The following HEATR3 variants were observed in gnomAD, a reference collection of about 807,000 sequenced individuals.
The protein encoded by HEATR3 is HEAT repeat-containing protein 3.
Under a neutral mutation model 72.8 loss-of-function variants are expected in HEATR3, and 56 were observed. That is an observed-to-expected ratio of 0.77 (90% CI 0.62 to 0.96). The LOEUF is 0.96. Ranked by LOEUF, HEATR3 falls within the 40% of genes least tolerant of loss-of-function variation. The pLI is 0.00. For missense variants in HEATR3, 747 were observed against 831.4 expected, an observed-to-expected ratio of 0.90 and a Z score of 1.25; for synonymous variants, 331 against 318.1, an observed-to-expected ratio of 1.04 and a Z score of -0.43.
In HEATR3 at chr16:50,079,027, G is replaced by T; in HGVS notation, c.1041+9G>T. Reference sequence around the variant, plus strand: ...TTTCAGATTTACTTCCGGTAAGTCAGGTTGCTGTTCTCAAATATGGATTAA... The same window carrying T: ...TTTCAGATTTACTTCCGGTAAGTCATGTTGCTGTTCTCAAATATGGATTAA... On this transcript the variant is annotated intron_variant, in intron 7 of 14. Coordinates refer to ENST00000299192, the MANE Select transcript of HEATR3 (RefSeq NM_182922.4). 1 of 1,605,680 alleles carries T rather than the reference G, an allele frequency of 6.2e-7. No homozygotes were observed. The highest frequency in any genetic ancestry group is 8.5e-7 in the Non-Finnish European group (1 of 1,177,126).
rs1178984056 is a variant in HEATR3, at chr16:50,084,658, ACT to A, written c.1373+10_1373+11del. The A allele has an allele frequency of 1.9e-6, 3 of 1,564,882 alleles. No homozygotes were observed. The highest frequency in any genetic ancestry group is 1.7e-5 in the Admixed American group (1 of 58,866). ...GGAAACCTTTGATTAGAAAGTAAGA[ACT>A]CTTCTGCTTTCAAAAACATTTGTCA... On this transcript the variant is annotated splice_region_variant and intron_variant, in intron 10 of 14. Coordinates refer to ENST00000299192, the MANE Select transcript of HEATR3 (RefSeq NM_182922.4).
intron 3 of HEATR3, 53 bp downstream of exon 3, chr16:50,068,920 CTT>C (rs1225846177): frequency 7.6e-7 from 1 of 1,313,282 alleles, no homozygotes; most frequent in Non-Finnish European, 1.1e-6. Context: ...CAAACTTAGA[CTT>C]TTTTTAGTAC....
Position 50,083,771 on chromosome 16 carries a change from C to T in HEATR3, c.1042-166C>T, listed in dbSNP as rs187357498. Among the ~76,000 whole-genome samples, 5 of 152,260 alleles carry T rather than the reference C, an allele frequency of 3.3e-5. No individual in the cohort carries two copies. In the East Asian group the frequency reaches 5.8e-4, roughly 18 times the overall value. On this transcript the variant is annotated intron_variant, in intron 7 of 14. Coordinates refer to ENST00000299192, the MANE Select transcript of HEATR3 (RefSeq NM_182922.4). Reference sequence around the variant, plus strand: ...CTGTACCAAGAGGAATTATAATGCTCGTTTGTACTTCTGGCACTTCATGAC... The same window carrying T: ...CTGTACCAAGAGGAATTATAATGCTTGTTTGTACTTCTGGCACTTCATGAC...
intron 10 of HEATR3, among the ~76,000 whole-genome samples, chr16:50,085,136 A>C (rs2036960892): frequency 6.6e-6 from 1 of 151,942 alleles, no homozygotes; most frequent in South Asian, 2.1e-4. Context: ...GGAAATGTTT[A>C]CCATAGAAGT....
At chr16:50,075,192 C>G (rs2036697416) in intron 5 of HEATR3, among the ~76,000 whole-genome samples, 1 of 151,360 alleles carries the variant, frequency 6.6e-6, no homozygotes, top group South Asian at 2.1e-4. Flanking sequence ...TGGCGCATAC[C>G]TTTAATTCCA....
At chr16:50,096,033 A>G (rs2037227102) in intron 12 of HEATR3, among the ~76,000 whole-genome samples, 1 of 152,086 alleles carries the variant, frequency 6.6e-6, no homozygotes, top group Non-Finnish European at 1.5e-5. Context: ...TTAAAAATGT[A>G]TTTTAACATG....
In HEATR3 at chr16:50,084,005, T is replaced by C. The variant is rs149247572; in HGVS notation, c.1110T>C (p.Ile370=). The C allele has an allele frequency of 1.7e-4, 272 of 1,613,894 alleles. 1 individual carries two copies. Among genetic ancestry groups the C allele is most frequent in the Non-Finnish European group, 2.1e-4 (252 of 1,180,020 alleles). ...CCCAACAGACTGCTCTGGAAATTATTGTCAACATGTGCTGCAATGAAGGTT... is the reference window on the plus strand; with the variant it reads ...CCCAACAGACTGCTCTGGAAATTATCGTCAACATGTGCTGCAATGAAGGTT... ...LTAQQTALEI[I]VNMCCNEDPS... The change falls in exon 8 of 15, where the codon ATT becomes ATC. Residue 370 remains isoleucine (I), a synonymous_variant. Transcript: ENST00000299192.
chr16:50,073,481 C>T (rs990015649), intron 5 of HEATR3: 2 of 152,082 alleles, frequency 1.3e-5, no homozygotes, highest in Non-Finnish European at 2.9e-5. Context: ...TTTCTTGACT[C>T]TAATGGATAT....
At chr16:50,076,342 C>T (rs925940606) in intron 6 of HEATR3, among the ~76,000 whole-genome samples, 6 of 151,976 alleles carry the variant, frequency 3.9e-5, no homozygotes, top group Admixed American at 2.6e-4. Flanking sequence ...CGTGCGCCAC[C>T]ACGCTCAGCT....
rs2036795119 is a variant in HEATR3, at chr16:50,078,732, T to C, written c.764-9T>C. ...GCATTTCTTATCCTTATGCTTGTTT[T>C]TTTCCCAGGCACAATTTGGAATCTA... On this transcript the variant is annotated splice_polypyrimidine_tract_variant and intron_variant, in intron 6 of 14. Coordinates refer to ENST00000299192, the MANE Select transcript of HEATR3 (RefSeq NM_182922.4). The C allele has an allele frequency of 6.2e-7, 1 of 1,602,136 alleles. No individual in the cohort carries two copies. The highest frequency in any genetic ancestry group is 1.3e-5 in the African/African-American group (1 of 74,208).
Position 50,106,306 on chromosome 16 carries a change from G to A in HEATR3, c.*1245G>A, listed in dbSNP as rs1263773153. The stretch of plus-strand genomic sequence containing the variant: ...CTCATGACTTTGATGAGTTATTGCT[G>A]TAACATCACTTCTTGATTTAATTTG... On this transcript the variant is annotated 3_prime_UTR_variant, in exon 15 of 15. Coordinates refer to ENST00000299192, the MANE Select transcript of HEATR3 (RefSeq NM_182922.4). 2.0e-5 allele frequency: 3 copies of A among 152,058 alleles called. No individual in the cohort carries two copies. Among genetic ancestry groups the A allele is most frequent in the African/African-American group, 7.2e-5 (3 of 41,406 alleles). The allele number at this position is 152,058 out of a possible 1,614,324, so 9.4% of individuals were successfully genotyped here.
At chr16:50,075,344 C>G (rs2036701320) in intron 5 of HEATR3, among the ~76,000 whole-genome samples, 2 of 147,514 alleles carry the variant, frequency 1.4e-5, no homozygotes, top group African/African-American at 2.5e-5. Context: ...TAGATCTGTA[C>G]AGGATTAGAA....
Position 50,102,436 on chromosome 16 carries a change from GT to G in HEATR3, c.1920+4del. The stretch of plus-strand genomic sequence containing the variant: ...ATTCCAGCCGGTCTTTAAAATGAAG[GT>G]TTGTAGCCATTTAACTTATAAATAC... On this transcript the variant is annotated splice_donor_variant, in intron 14 of 14. Transcript: ENST00000299192. LOFTEE classifies it high-confidence loss of function. 1 of 1,612,950 alleles carries G rather than the reference GT, an allele frequency of 6.2e-7. No individual in the cohort carries two copies. Among genetic ancestry groups the G allele is most frequent in the Admixed American group, 1.7e-5 (1 of 59,696 alleles).
At chr16:50,066,598 C>T in intron 2 of HEATR3, 59 bp downstream of exon 2, 1 of 1,248,534 alleles carries the variant, frequency 8.0e-7, no homozygotes, top group Non-Finnish European at 1.0e-6. Flanking sequence ...GTCTGGGCTG[C>T]GGGCGGTCGC....
chr16:50,082,887 T>C (rs1597153776), intron 7 of HEATR3, among the ~76,000 whole-genome samples: 1 of 152,086 alleles, frequency 6.6e-6, no homozygotes, highest in Non-Finnish European at 1.5e-5. Context: ...GCCTCCTGGG[T>C]TCAAGGGATT....
In HEATR3 at chr16:50,106,791, C is replaced by T. The variant is rs2150635855; in HGVS notation, c.*1730C>T. On this transcript the variant is annotated 3_prime_UTR_variant, in exon 15 of 15. Transcript: ENST00000299192. ...AAAATGAGCTAGTAGTGTTAGATTT[C>T]ATCTGCACTGTGATGTATTTTACAG... The T allele has an allele frequency of 6.6e-6, 1 of 152,254 alleles. No individual in the cohort carries two copies. The highest frequency in any genetic ancestry group is 1.9e-4 in the East Asian group (1 of 5,178). The allele number at this position is 152,254 out of a possible 1,614,324, so 9.4% of individuals were successfully genotyped here.
intron 13 of HEATR3, among the ~76,000 whole-genome samples, chr16:50,101,436 C>G (rs2150629524): frequency 6.6e-6 from 1 of 151,588 alleles, no homozygotes; most frequent in East Asian, 2.0e-4. Context: ...CTTAGTGTGT[C>G]TAATTCCTGG....
In HEATR3 at chr16:50,086,318, C is replaced by T. The variant is rs2036987095; in HGVS notation, c.1477C>T (p.Gln493Ter). Residue 493 changes from glutamine to a stop codon, truncating the protein, a stop_gained, in exon 11 of 15, where the codon CAG (glutamine) becomes TAG (stop). Coordinates refer to ENST00000299192, the MANE Select transcript of HEATR3 (RefSeq NM_182922.4). LOFTEE classifies it high-confidence loss of function. ...AGCCGCAGCCCTTCAGACGCTTGCA[C>T]AGCATCTGTCACAGCTGCTTTTTTC... ...GGAAALQTLA[Q>*]HLSQLLFSQP... The T allele has an allele frequency of 4.4e-6, 7 of 1,598,302 alleles. No homozygotes were observed. The highest frequency in any genetic ancestry group is 6.0e-6 in the Non-Finnish European group (7 of 1,172,188).
At chr16:50,094,856 C>A in intron 12 of HEATR3, 63 bp downstream of exon 12, 2 of 816,450 alleles carry the variant, frequency 2.4e-6, no homozygotes, top group Non-Finnish European at 4.0e-6. Context: ...AGGCAAAATT[C>A]ATTACTTCAC....
Sources: gnomAD v4.1 joint callset for allele counts (sites outside exome capture counted in the v4.1 genomes callset) on GRCh38, gnomAD v4.1.1 for gene constraint, MANE v1.5 for transcripts, NCBI Gene and HGNC (gene_info 2026-07-23, HGNC 2026-07-21) for gene names.